Variants in ACP3 observed in about 807,000 individuals in gnomAD.
The protein encoded by ACP3 is prostatic acid phosphatase.
A neutral mutation model predicts 45.6 loss-of-function variants in ACP3; 38 were observed. The ratio of observed to expected loss-of-function variants is 0.83; its 90% CI spans 0.64 to 1.09. The LOEUF (loss-of-function observed/expected upper bound fraction) is 1.09, where lower values mean the gene tolerates loss of function less well. Ranked by LOEUF, ACP3 falls within the 50% of genes least tolerant of loss-of-function variation. ACP3 has a pLI of 0.00. For missense variants in ACP3, 466 were observed against 463.2 expected (o/e 1.01, Z -0.05); for synonymous variants, 162 against 164.7 (o/e 0.98, Z 0.13).
At chr3:132,344,304 C>T (rs1265395675) in intron 6 of ACP3, among the ~76,000 whole-genome samples, 2 of 147,896 alleles carry the variant, frequency 1.4e-5, no homozygotes, top group Admixed American at 6.8e-5. Flanking sequence ...AAAAGTGCCA[C>T]GTGTGGTGGC....
chr3:132,359,482 T>G (rs909209663), downstream of ACP3, among the ~76,000 whole-genome samples: 3 of 152,048 alleles, frequency 2.0e-5, no homozygotes, highest in African/African-American at 7.3e-5. Flanking sequence ...CACTCCAGCC[T>G]GGGCAACAGA....
At chr3:132,326,334 C>T (rs971200560) in intron 1 of ACP3, among the ~76,000 whole-genome samples, 1 of 152,174 alleles carries the variant, frequency 6.6e-6, no homozygotes, top group African/African-American at 2.4e-5. Context: ...TTCAAAGACA[C>T]ATTTACCTGG....
intron 6 of ACP3, among the ~76,000 whole-genome samples, chr3:132,344,243 A>G (rs1249098220): frequency 1.4e-5 from 2 of 146,670 alleles, no homozygotes; most frequent in African/African-American, 2.5e-5. Flanking sequence ...GTGCCACTGC[A>G]CTCCAGGCTG....
Position 132,317,685 on chromosome 3 carries a change from G to A in ACP3, c.120+109G>A. ...TCCTTGGATTGTTTCCCAGAGACCA[G>A]GCTCTGTTCAAACTCAGAAAGTGAA... On this transcript the variant is annotated intron_variant, in intron 1 of 9. Transcript: ENST00000336375. 3.1e-6 allele frequency: 4 copies of A among 1,270,772 alleles called. 1 individual carries two copies. The South Asian group carries it at 5.6e-5, about 18-fold the overall frequency. The allele number at this position is 1,270,772 out of a possible 1,614,324, so 78.7% of individuals were successfully genotyped here.
rs1187941146 is a variant in ACP3, at chr3:132,337,481, G to T, written c.482G>T (p.Cys161Phe). 1 of 1,610,554 alleles carries T rather than the reference G, an allele frequency of 6.2e-7. No individual in the cohort carries two copies. Among genetic ancestry groups the T allele is most frequent in the Non-Finnish European group, 8.5e-7 (1 of 1,177,296 alleles). The change falls in exon 5 of 10, where the codon TGC (cysteine) becomes TTC (phenylalanine). Residue 161 changes from cysteine (C) to phenylalanine (F), a missense_variant. Cys to Phe is a radical substitution (Grantham distance 205). Coordinates refer to ENST00000336375, the MANE Select transcript of ACP3 (RefSeq NM_001099.5). Reference sequence around the variant, plus strand: ...TTGCTATACCTGCCTTTCAGGAACTGCCCTCGTTTTCAAGAACTTGAGAGT... The same window carrying T: ...TTGCTATACCTGCCTTTCAGGAACTTCCCTCGTTTTCAAGAACTTGAGAGT... ...DQLLYLPFRN[C>F]PRFQELESET...
intron 7 of ACP3, among the ~76,000 whole-genome samples, chr3:132,349,425 C>T (rs1227363557): frequency 6.6e-6 from 1 of 152,184 alleles, no homozygotes; most frequent in African/African-American, 2.4e-5. Context: ...CTCCCATGGC[C>T]TCCCACAGGT....
intron 9 of ACP3, among the ~76,000 whole-genome samples, chr3:132,355,663 A>G (rs1297050677): frequency 6.6e-6 from 1 of 151,978 alleles, no homozygotes; most frequent in Non-Finnish European, 1.5e-5. Context: ...GACTATAGGC[A>G]TGTGCCACCA....
intron 10 of ACP3, among the ~76,000 whole-genome samples, chr3:132,364,878 T>C (rs897516925): frequency 6.6e-6 from 1 of 152,210 alleles, no homozygotes; most frequent in African/African-American, 2.4e-5. Flanking sequence ...TGAAAATAGA[T>C]TTTTAAGGAT....
Position 132,337,455 on chromosome 3 carries a change from G to A in ACP3, c.457-1G>A, listed in dbSNP as rs983665787. ...TTTTATGATTTTTCTCTTATCCTCA[G>A]TTGCTATACCTGCCTTTCAGGAACT... On this transcript the variant is annotated splice_acceptor_variant, in intron 4 of 9. Transcript: ENST00000336375. LOFTEE classifies it high-confidence loss of function. 11 of 1,596,040 alleles carry A rather than the reference G, an allele frequency of 6.9e-6. No homozygotes were observed. Among genetic ancestry groups the A allele is most frequent in the Non-Finnish European group, 7.7e-6 (9 of 1,166,958 alleles).
chr3:132,342,682 G>T (rs776760430), intron 6 of ACP3, 38 bp downstream of exon 6: 5 of 1,237,130 alleles, frequency 4.0e-6, no homozygotes, highest in South Asian at 2.7e-5. Flanking sequence ...CTTGCAATCT[G>T]ATTTTATGAT....
intron 1 of ACP3, among the ~76,000 whole-genome samples, chr3:132,327,533 T>C (rs114556923): frequency 0.022 from 3,202 of 142,614 alleles, 113 homozygotes; most frequent in African/African-American, 0.077. Flanking sequence ...AAAAAAGTTA[T>C]ACTAGTTGGG....
At chr3:132,360,633 T>G (rs1488004582), downstream of ACP3, among the ~76,000 whole-genome samples, 1 of 152,242 alleles carries the variant, frequency 6.6e-6, no homozygotes, top group Non-Finnish European at 1.5e-5. Context: ...ACTGCTTCTT[T>G]AATTCCAACA....
chr3:132,360,265 G>A (rs752715760), downstream of ACP3, among the ~76,000 whole-genome samples: 3 of 148,664 alleles, frequency 2.0e-5, no homozygotes, highest in Admixed American at 6.7e-5. Context: ...ACAGGATGCC[G>A]AGATAAATTT....
chr3:132,342,638 T>C lies in ACP3; in HGVS notation c.642T>C (p.Tyr214=), dbSNP rs1937565341. The change falls in exon 6 of 10, where the codon TAT becomes TAC. Residue 214 remains tyrosine (Y), a synonymous_variant. Transcript: ENST00000336375. ...GGAGTAAAGTCTACGACCCTTTATA[T>C]TGTGAGGTAAAAGAAAAAAAAATCA... The part of the protein sequence containing the change: ...GIWSKVYDPL[Y]CESVHNFTLP... 1 of 1,588,460 alleles carries C rather than the reference T, an allele frequency of 6.3e-7. No individual in the cohort carries two copies. Among genetic ancestry groups the C allele is most frequent in the Non-Finnish European group, 8.5e-7 (1 of 1,170,352 alleles).
chr3:132,344,781 A>G (rs1937589449), intron 6 of ACP3, 146 bp from the exon 7 acceptor site: 2 of 867,562 alleles, frequency 2.3e-6, no homozygotes, highest in Middle Eastern at 3.4e-4. Context: ...ACCACTACTT[A>G]TCACAATATG....
intron 10 of ACP3, among the ~76,000 whole-genome samples, chr3:132,365,841 A>G (rs896809866): frequency 1.3e-5 from 2 of 152,132 alleles, no homozygotes; most frequent in African/African-American, 4.8e-5. Flanking sequence ...ACAAAAAAAA[A>G]TTAGCCAGGC....
chr3:132,344,088 G>A (rs1249288356), intron 6 of ACP3, among the ~76,000 whole-genome samples: 4 of 152,130 alleles, frequency 2.6e-5, no homozygotes, highest in Non-Finnish European at 1.5e-5. Flanking sequence ...GACCAGCCTG[G>A]CCAACATGGC....
chr3:132,332,003 C>A (rs1269719236), intron 3 of ACP3, among the ~76,000 whole-genome samples, 189 bp from the exon 4 acceptor site: 1 of 152,154 alleles, frequency 6.6e-6, no homozygotes, highest in Non-Finnish European at 1.5e-5. Flanking sequence ...TATTGGCCAA[C>A]CAGGTTGCTT....
At chr3:132,345,087 A>G in intron 7 of ACP3, 28 bp downstream of exon 7, 2 of 1,599,226 alleles carry the variant, frequency 1.3e-6, no homozygotes, top group Non-Finnish European at 1.7e-6. Flanking sequence ...AGAGGAGCAT[A>G]TTGGATTTGT....
Sources: allele counts gnomAD v4.1 joint callset (sites outside exome capture counted in the v4.1 genomes callset), GRCh38; gene constraint gnomAD v4.1.1; transcripts MANE v1.5; gene names NCBI Gene and HGNC (gene_info 2026-07-23, HGNC 2026-07-21).